Variants in CALN1 observed in about 807,000 individuals in gnomAD.
The protein encoded by CALN1 is calcium-binding protein 8.
A neutral mutation model predicts 30.6 loss-of-function variants in CALN1; 17 were observed. The observed-to-expected ratio is 0.56, with a 90% CI of 0.38 to 0.83. CALN1 has a LOEUF of 0.83. Among genes scored for constraint, CALN1 ranks in the 40% least tolerant of loss-of-function variants. CALN1 has a pLI of 0.00. For synonymous variants in CALN1, 156 were observed against 131.4 expected (o/e 1.19, Z -1.28); for missense variants, 291 against 354.9 (o/e 0.82, Z 1.45).
intron 5 of CALN1, among the ~76,000 whole-genome samples, chr7:71,858,283 T>C (rs995940810): frequency 1.3e-5 from 2 of 152,178 alleles, no homozygotes; most frequent in African/African-American, 4.8e-5. Context: ...GCCGTGATTG[T>C]AAGTTTCCTG....
At chr7:72,253,848 C>G (rs1343265082) in intron 3 of CALN1, among the ~76,000 whole-genome samples, 1 of 152,216 alleles carries the variant, frequency 6.6e-6, no homozygotes, top group Non-Finnish European at 1.5e-5. Flanking sequence ...TCAAGCAATT[C>G]TCCTGCCTCC....
chr7:72,010,965 C>T, intron 5 of CALN1, among the ~76,000 whole-genome samples: 1 of 151,534 alleles, frequency 6.6e-6, no homozygotes. Context: ...CCATCCTGGC[C>T]AACACAGTGA....
At chr7:72,385,109 A>G (rs1441886405) in intron 2 of CALN1, among the ~76,000 whole-genome samples, 1 of 152,248 alleles carries the variant, frequency 6.6e-6, no homozygotes, top group Non-Finnish European at 1.5e-5. Flanking sequence ...ATACCACTAC[A>G]CACATATTAG....
At chr7:72,222,722 T>C (rs1356060414) in intron 3 of CALN1, among the ~76,000 whole-genome samples, 2 of 152,122 alleles carry the variant, frequency 1.3e-5, no homozygotes, top group Non-Finnish European at 1.5e-5. Context: ...AATCACAAGC[T>C]AAAAAGAAAG....
chr7:72,376,028 T>C (rs1204848604), intron 2 of CALN1, among the ~76,000 whole-genome samples: 1 of 152,204 alleles, frequency 6.6e-6, no homozygotes, highest in African/African-American at 2.4e-5. Context: ...GTGTCCAGTT[T>C]CTTTGCCTAG....
At chr7:71,882,850 TTGTGTGTGTGTGTGTGTGTG>T (rs34870061) in intron 5 of CALN1, among the ~76,000 whole-genome samples, 4 of 130,970 alleles carry the variant, frequency 3.1e-5, no homozygotes, top group Non-Finnish European at 6.5e-5. Context: ...CCCATCTAAT[TTGTGTGTGTGTGTGTGTGTG>T]TGTGTGTGTG....
At chr7:72,149,328 C>T (rs761821340) in intron 3 of CALN1, among the ~76,000 whole-genome samples, 9 of 151,820 alleles carry the variant, frequency 5.9e-5, no homozygotes, top group Non-Finnish European at 1.0e-4. Context: ...ATTAGCTGGG[C>T]GTGGTGGCAG....
intron 3 of CALN1, among the ~76,000 whole-genome samples, chr7:72,217,830 AAATTTTT>A (rs1275111172): frequency 4.5e-5 from 6 of 133,600 alleles, no homozygotes; most frequent in African/African-American, 1.7e-4. Context: ...AAAATTAAAT[AAATTTTT>A]TTTTTTTTTT....
intron 2 of CALN1, among the ~76,000 whole-genome samples, chr7:72,378,612 T>G (rs1218334855): frequency 6.6e-6 from 1 of 152,190 alleles, no homozygotes; most frequent in African/African-American, 2.4e-5. Context: ...TATACTGTAG[T>G]CGTCTTACAC....
intron 1 of CALN1, among the ~76,000 whole-genome samples, chr7:72,420,269 G>T (rs1459933784): frequency 6.6e-6 from 1 of 152,102 alleles, no homozygotes; most frequent in African/African-American, 2.4e-5. Flanking sequence ...ATAAGATTGA[G>T]GCACGATCTA....
At chr7:72,090,760 C>A (rs372449140) in intron 4 of CALN1, among the ~76,000 whole-genome samples, 2 of 152,074 alleles carry the variant, frequency 1.3e-5, no homozygotes, top group African/African-American at 4.8e-5. Flanking sequence ...GAAGGAAATC[C>A]TTTTACTTGC....
intron 3 of CALN1, among the ~76,000 whole-genome samples, chr7:72,234,684 G>A (rs941779938): frequency 6.6e-6 from 1 of 152,098 alleles, no homozygotes; most frequent in Non-Finnish European, 1.5e-5. Context: ...GACTGCAAGT[G>A]ATCCGCCCGC....
At chr7:72,313,010 T>G (rs1230810663) in intron 2 of CALN1, among the ~76,000 whole-genome samples, 2 of 152,138 alleles carry the variant, frequency 1.3e-5, no homozygotes, top group South Asian at 4.1e-4. Context: ...AATTTTTGTG[T>G]TTTTAGTAGA....
In CALN1 at chr7:72,249,965, G is replaced by A. The variant is rs538663314; in HGVS notation, c.244+28721C>T. Among the ~76,000 whole-genome samples the A allele has an allele frequency of 8.3e-3, 1,189 of 143,444 alleles. 6 individuals carry two copies. Among genetic ancestry groups the A allele is most frequent in the African/African-American group, 0.02 (811 of 39,926 alleles). 94.1% of individuals were successfully genotyped at this position (143,444 alleles called of 152,430 possible). ...ACAAACCAAAAAAAAAAAAAAGAGAGAGAGAGAGAGAGAGAAATAGACCCT... is the reference window on the plus strand; with the variant it reads ...ACAAACCAAAAAAAAAAAAAAGAGAAAGAGAGAGAGAGAGAAATAGACCCT... On this transcript the variant is annotated intron_variant, in intron 3 of 6. Coordinates refer to ENST00000395275, the MANE Select transcript of CALN1 (RefSeq NM_031468.4).
At chr7:72,377,217 A>T (rs998717577) in intron 2 of CALN1, among the ~76,000 whole-genome samples, 1 of 152,180 alleles carries the variant, frequency 6.6e-6, no homozygotes, top group Non-Finnish European at 1.5e-5. Context: ...TTTTTGCACA[A>T]AGGCAGTTAG....
chr7:72,390,942 G>C (rs569415415), intron 2 of CALN1, among the ~76,000 whole-genome samples: 6 of 152,218 alleles, frequency 3.9e-5, no homozygotes, highest in African/African-American at 1.4e-4. Context: ...GACTGCCAAA[G>C]GGATCCATGC....
At chr7:72,168,971 A>C (rs1462705642) in intron 3 of CALN1, among the ~76,000 whole-genome samples, 1 of 151,576 alleles carries the variant, frequency 6.6e-6, no homozygotes, top group Non-Finnish European at 1.5e-5. Context: ...ACGCTCAGCT[A>C]ATTTTTGTAT....
chr7:71,820,427 CTG>C (rs1007929238), intron 5 of CALN1, among the ~76,000 whole-genome samples: 5 of 152,198 alleles, frequency 3.3e-5, no homozygotes, highest in African/African-American at 9.7e-5. Context: ...CTCCTGAGGG[CTG>C]TGTCATAGGC....
chr7:72,402,740 A>T (rs1335204731), intron 2 of CALN1, among the ~76,000 whole-genome samples: 1 of 152,130 alleles, frequency 6.6e-6, no homozygotes, highest in Admixed American at 6.5e-5. Context: ...AGGGTAGCCT[A>T]GTGGTTAGGA....
Sources: gnomAD v4.1 joint callset for allele counts (sites outside exome capture counted in the v4.1 genomes callset) on GRCh38, gnomAD v4.1.1 for gene constraint, MANE v1.5 for transcripts, NCBI Gene and HGNC (gene_info 2026-07-23, HGNC 2026-07-21) for gene names.